Variants in SH3GL2 observed in about 807,000 individuals in gnomAD.
The protein encoded by SH3GL2 is endophilin-A1.
Under a neutral mutation model 46.0 loss-of-function variants are expected in SH3GL2, and 24 were observed. The observed-to-expected ratio is 0.52, with a 90% CI of 0.38 to 0.73. The LOEUF (loss-of-function observed/expected upper bound fraction) is 0.73. Ranked by LOEUF, SH3GL2 falls within the 30% of genes least tolerant of loss-of-function variation. The pLI is 0.00. For missense variants in SH3GL2, 413 were observed against 424.2 expected, an observed-to-expected ratio of 0.97 and a Z score of 0.23; for synonymous variants, 196 against 147.1, an observed-to-expected ratio of 1.33 and a Z score of -2.40.
At chr9:17,605,415 A>C (rs1430124032) in intron 1 of SH3GL2, among the ~76,000 whole-genome samples, 2 of 152,170 alleles carry the variant, frequency 1.3e-5, no homozygotes, top group Admixed American at 6.5e-5. Context: ...ATGACCAGGG[A>C]GGTCATTTGT....
At chr9:17,629,819 G>T (rs1819378002) in intron 1 of SH3GL2, among the ~76,000 whole-genome samples, 1 of 152,110 alleles carries the variant, frequency 6.6e-6, no homozygotes, top group African/African-American at 2.4e-5. Flanking sequence ...CTCAGTCCAG[G>T]AAGTTCTGTA....
At chr9:17,726,755 A>T (rs1284497548) in intron 1 of SH3GL2, among the ~76,000 whole-genome samples, 1 of 152,204 alleles carries the variant, frequency 6.6e-6, no homozygotes, top group South Asian at 2.1e-4. Flanking sequence ...ACAATGATGT[A>T]TCATAAACTT....
At chr9:17,638,742 C>A (rs1368024157) in intron 1 of SH3GL2, among the ~76,000 whole-genome samples, 3 of 152,202 alleles carry the variant, frequency 2.0e-5, no homozygotes, top group African/African-American at 4.8e-5. Context: ...GGTAGGTGGG[C>A]CTCCCCTCAG....
At chr9:17,697,295 C>T (rs566598239) in intron 1 of SH3GL2, among the ~76,000 whole-genome samples, 20 of 151,578 alleles carry the variant, frequency 1.3e-4, no homozygotes, top group African/African-American at 4.9e-4. Context: ...ATGATCTCGG[C>T]TCACTGCAAA....
At chr9:17,683,496 C>T (rs1191843034) in intron 1 of SH3GL2, among the ~76,000 whole-genome samples, 1 of 152,024 alleles carries the variant, frequency 6.6e-6, no homozygotes, top group South Asian at 2.1e-4. Flanking sequence ...AATTGCTGTA[C>T]CTTTGGAGGA....
intron 1 of SH3GL2, among the ~76,000 whole-genome samples, chr9:17,665,442 A>G (rs1442460775): frequency 6.6e-6 from 1 of 152,078 alleles, no homozygotes. Context: ...CAGGCAAATT[A>G]TTTTGTAGAA....
Position 17,645,182 on chromosome 9 carries a change from T to TA in SH3GL2, c.45+65895_45+65896insA, listed in dbSNP as rs1819781790. Among the ~76,000 whole-genome samples, 3 of 72,704 alleles carry TA rather than the reference T, an allele frequency of 4.1e-5. 1 individual carries two copies. Among genetic ancestry groups the TA allele is most frequent in the Non-Finnish European group, 8.6e-5 (3 of 34,902 alleles). 47.7% of individuals were successfully genotyped at this position (72,704 alleles called of 152,430 possible). A position where few individuals can be genotyped will look rare whatever the true frequency, so the allele number is the denominator to read the frequency against. On this transcript the variant is annotated intron_variant, in intron 1 of 8. Transcript: ENST00000380607. ...TTTTTTTTTTTTTTTTTTTTTTTTT[T>TA]GCTTTCCATTGCTTGGTAAATCTTC...
chr9:17,593,245 C>T (rs1818516901), intron 1 of SH3GL2, among the ~76,000 whole-genome samples: 2 of 151,932 alleles, frequency 1.3e-5, no homozygotes, highest in Admixed American at 1.3e-4. Flanking sequence ...TTGTGGGAAC[C>T]CTGATTTATA....
chr9:17,711,450 A>T (rs574634043), intron 1 of SH3GL2, among the ~76,000 whole-genome samples: 2 of 151,850 alleles, frequency 1.3e-5, no homozygotes, highest in Non-Finnish European at 2.9e-5. Context: ...ACAGAACCCA[A>T]TGCTTTCTCA....
chr9:17,746,936 A>T, intron 1 of SH3GL2, 130 bp from the exon 2 acceptor site: 1 of 627,240 alleles, frequency 1.6e-6, no homozygotes, highest in Non-Finnish European at 2.8e-6. Context: ...TAAAAATGAG[A>T]CTCTCCACCT....
intron 1 of SH3GL2, chr9:17,590,170 C>G (rs1376008608): frequency 6.6e-6 from 1 of 152,200 alleles, no homozygotes; most frequent in Non-Finnish European, 1.5e-5. Flanking sequence ...GTGCTTCTTT[C>G]TATTGAGTTA....
At chr9:17,696,334 G>A (rs1051069970) in intron 1 of SH3GL2, among the ~76,000 whole-genome samples, 2 of 152,042 alleles carry the variant, frequency 1.3e-5, no homozygotes, top group South Asian at 2.1e-4. Flanking sequence ...TGAAGAAAAC[G>A]GTTTTATAAA....
rs913323662 is a variant in SH3GL2, at chr9:17,579,137, G to C, written c.-106G>C. On this transcript the variant is annotated 5_prime_UTR_variant, in exon 1 of 9. Coordinates refer to ENST00000380607, the MANE Select transcript of SH3GL2 (RefSeq NM_003026.5). ...CCCTCGCGCCCATAGCCCCGGCGGC[G>C]GCACGACCAGAGGCGGCCAGGGGAG... 1.1e-5 allele frequency: 8 copies of C among 711,364 alleles called. 1 individual carries two copies. The African/African-American group carries it at 1.1e-4, about 10-fold the overall frequency. The allele number at this position is 711,364 out of a possible 1,614,324, so 44.1% of individuals were successfully genotyped here. A position where few individuals can be genotyped will look rare whatever the true frequency, so the allele number is the denominator to read the frequency against.
intron 3 of SH3GL2, among the ~76,000 whole-genome samples, chr9:17,764,751 T>C (rs113053662): frequency 1.2e-4 from 5 of 41,154 alleles, no homozygotes; most frequent in African/African-American, 1.7e-4. Context: ...CGAGGGTACT[T>C]TGGGAGTACA....
chr9:17,655,126 T>C (rs1820044842), intron 1 of SH3GL2, among the ~76,000 whole-genome samples: 1 of 152,188 alleles, frequency 6.6e-6, no homozygotes, highest in Non-Finnish European at 1.5e-5. Context: ...CTAAGGGCCT[T>C]AAGCCAGGGT....
chr9:17,640,222 G>C (rs1353414856), intron 1 of SH3GL2, among the ~76,000 whole-genome samples: 1 of 151,888 alleles, frequency 6.6e-6, no homozygotes, highest in Non-Finnish European at 1.5e-5. Context: ...TATCTTATTT[G>C]CTTCTACTAA....
intron 1 of SH3GL2, among the ~76,000 whole-genome samples, chr9:17,689,052 G>A (rs117324135): frequency 0.017 from 2,598 of 152,134 alleles, 39 homozygotes; most frequent in Non-Finnish European, 0.029. Flanking sequence ...CAAGGTGTAC[G>A]TCATCAACAG....
chr9:17,678,713 A>G (rs545575978), intron 1 of SH3GL2, among the ~76,000 whole-genome samples: 3 of 152,192 alleles, frequency 2.0e-5, no homozygotes, highest in African/African-American at 4.8e-5. Context: ...GCCCATGCCC[A>G]TGTCCTGAAT....
intron 1 of SH3GL2, among the ~76,000 whole-genome samples, chr9:17,663,602 G>A (rs1007729453): frequency 7.2e-5 from 11 of 152,148 alleles, no homozygotes; most frequent in Non-Finnish European, 1.3e-4. Flanking sequence ...ACTCTAGTCC[G>A]TTTCGTAGCT....
Sources: gnomAD v4.1 joint callset for allele counts (sites outside exome capture counted in the v4.1 genomes callset) on GRCh38, gnomAD v4.1.1 for gene constraint, MANE v1.5 for transcripts, NCBI Gene and HGNC (gene_info 2026-07-23, HGNC 2026-07-21) for gene names.